STXBP3: variants seen among roughly 807,000 people sequenced by gnomAD.
STXBP3 encodes the protein syntaxin binding protein 3, also known as syntaxin-binding protein 3.
Under a neutral mutation model 85.7 loss-of-function variants are expected in STXBP3, and 41 were observed. The ratio of observed to expected loss-of-function variants is 0.48; its 90% CI spans 0.37 to 0.62. The LOEUF (loss-of-function observed/expected upper bound fraction) is 0.62, where lower values mean the gene tolerates loss of function less well. Among genes scored for constraint, STXBP3 ranks in the 20% least tolerant of loss-of-function variants. The pLI, the probability that STXBP3 is intolerant of heterozygous loss-of-function variation, is 0.00. For missense variants in STXBP3, 563 were observed against 703.1 expected (o/e 0.80, Z 2.25); for synonymous variants, 229 against 231.7 (o/e 0.99, Z 0.10).
rs903902124 is a variant in STXBP3 at position 108,802,492 on chromosome 1, G to A, written c.1535+2187G>A. Among the ~76,000 whole-genome samples, 15 of 152,186 alleles carry A rather than the reference G, an allele frequency of 9.9e-5. No homozygotes were observed. The South Asian group carries it at 2.7e-3, about 27-fold the overall frequency. On this transcript the variant is annotated intron_variant, in intron 17 of 18. Transcript: ENST00000370008. ...AGCAAAGCTGCAGGATTTTGTACTCGCCTCACTGCCCCACCTTGAATCAAG... is the reference window on the plus strand; with the variant it reads ...AGCAAAGCTGCAGGATTTTGTACTCACCTCACTGCCCCACCTTGAATCAAG...
intron 11 of STXBP3, among the ~76,000 whole-genome samples, chr1:108,786,380 C>T (rs535708703): frequency 8.5e-5 from 13 of 152,292 alleles, no homozygotes; most frequent in East Asian, 1.9e-4. Context: ...CTGCCCTTGA[C>T]GCGTGGGGAT....
chr1:108,749,145 G>GAA lies in STXBP3; in HGVS notation c.49+2359_49+2360insAA, dbSNP rs1661854074. On this transcript the variant is annotated intron_variant, in intron 1 of 18. Transcript: ENST00000370008. ...AGAGAGAAGAATCAAGTCGATGCTG[G>GAA]GTGACAGTAGCAATGAAAAATAATA... Among the ~76,000 whole-genome samples the GAA allele has an allele frequency of 2.6e-5, 4 of 152,138 alleles. No homozygotes were observed. In the East Asian group the frequency reaches 7.7e-4, roughly 29 times the overall value.
chr1:108,759,461 G>A (rs1277040), intron 5 of STXBP3, among the ~76,000 whole-genome samples: 110,474 of 152,060 alleles, frequency 0.73, 41,162 homozygotes, highest in African/African-American at 0.78. Flanking sequence ...CCTAGATCTA[G>A]TGGAATGATA....
intron 3 of STXBP3, among the ~76,000 whole-genome samples, chr1:108,754,111 C>T (rs746399223): frequency 8.8e-5 from 13 of 148,048 alleles, no homozygotes; most frequent in Admixed American, 1.4e-4. Flanking sequence ...TGGCTCACTG[C>T]AGCCTCCTCC....
At position 108,751,766 on chromosome 1, in the gene STXBP3, T is replaced by C. The variant is rs138119362; in HGVS notation, c.50-491T>C. ...AAAGTCATTGTAAGGAACATATTTATTGATTATAAATCAAGACTGAATATT... is the reference window on the plus strand; with the variant it reads ...AAAGTCATTGTAAGGAACATATTTACTGATTATAAATCAAGACTGAATATT... On this transcript the variant is annotated intron_variant, in intron 1 of 18. Coordinates refer to ENST00000370008, the MANE Select transcript of STXBP3 (RefSeq NM_007269.4). 6.7e-5 allele frequency among the ~76,000 whole-genome samples: 7 copies of C among 104,678 alleles called. No individual in the cohort carries two copies. The East Asian group carries it at 1.4e-3, about 21-fold the overall frequency. The allele number at this position is 104,678 out of a possible 152,430, so 68.7% of individuals were successfully genotyped here.
chr1:108,752,872 T>C (rs1570745842), intron 2 of STXBP3, among the ~76,000 whole-genome samples, 191 bp from the exon 3 acceptor site: 1 of 152,204 alleles, frequency 6.6e-6, no homozygotes, highest in African/African-American at 2.4e-5. Context: ...TTTGTTTACT[T>C]ATGTACGATA....
chr1:108,784,075 A>G (rs1350343781), intron 11 of STXBP3, among the ~76,000 whole-genome samples: 2 of 152,164 alleles, frequency 1.3e-5, no homozygotes, highest in Non-Finnish European at 2.9e-5. Context: ...GATGAACAGA[A>G]GATCTCAATT....
intron 10 of STXBP3, 26 bp downstream of exon 10, chr1:108,782,543 T>C: frequency 6.2e-7 from 1 of 1,609,346 alleles, no homozygotes; most frequent in Non-Finnish European, 8.5e-7. Context: ...TTAATTTTTG[T>C]TCCATAATTT....
At chr1:108,801,219 A>G (rs1277236) in intron 17 of STXBP3, among the ~76,000 whole-genome samples, 41,568 of 151,860 alleles carry the variant, frequency 0.27, 6,716 homozygotes, top group East Asian at 0.77. Flanking sequence ...GATCATATTT[A>G]TAATTGCTTG....
At chr1:108,794,520 T>C (rs936187216) in intron 12 of STXBP3, among the ~76,000 whole-genome samples, 3 of 152,172 alleles carry the variant, frequency 2.0e-5, no homozygotes, top group Non-Finnish European at 2.9e-5. Flanking sequence ...CTTACTATTA[T>C]GAGAACAGCA....
At chr1:108,789,608 T>G (rs144172568) in intron 11 of STXBP3, among the ~76,000 whole-genome samples, 1 of 152,218 alleles carries the variant, frequency 6.6e-6, no homozygotes, top group Non-Finnish European at 1.5e-5. Context: ...TAACCCTTAT[T>G]ATGATTTCTT....
chr1:108,799,485 C>A (rs1363133950), intron 16 of STXBP3, among the ~76,000 whole-genome samples: 1 of 152,084 alleles, frequency 6.6e-6, no homozygotes, highest in Non-Finnish European at 1.5e-5. Context: ...CAGTCTTAGG[C>A]CTTTAGAATT....
At chr1:108,807,836 C>A (rs1663375543) in intron 18 of STXBP3, among the ~76,000 whole-genome samples, 1 of 152,118 alleles carries the variant, frequency 6.6e-6, no homozygotes, top group Non-Finnish European at 1.5e-5. Context: ...CTCGGCCTCC[C>A]AAAGTGCTGG....
chr1:108,774,230 C>T (rs746005551), intron 7 of STXBP3, among the ~76,000 whole-genome samples: 3 of 152,088 alleles, frequency 2.0e-5, no homozygotes, highest in Non-Finnish European at 4.4e-5. Context: ...GTGACCCTCT[C>T]GCCTCAGTTT....
chr1:108,761,355 A>G (rs983596857), intron 6 of STXBP3, among the ~76,000 whole-genome samples: 1 of 152,182 alleles, frequency 6.6e-6, no homozygotes, highest in African/African-American at 2.4e-5. Context: ...AGCTTCTGAA[A>G]ATGATGTAGG....
rs1027169111 is a variant in STXBP3 at position 108,758,490 on chromosome 1, A to C, written c.259-20A>C. On this transcript the variant is annotated intron_variant, in intron 4 of 18. Transcript: ENST00000370008. ...ATTAATATTTAATAAAATGTGTATT[A>C]ACATCTAACCTTTTTTAAGTCTGTA... is the stretch of plus-strand genomic sequence containing the variant. 1 of 1,318,652 alleles carries C rather than the reference A, an allele frequency of 7.6e-7. No individual in the cohort carries two copies. The highest frequency in any genetic ancestry group is 1.6e-5 in the South Asian group (1 of 64,020). 81.7% of individuals were successfully genotyped at this position (1,318,652 alleles called of 1,614,324 possible).
At chr1:108,762,623 C>T (rs1354078370) in intron 6 of STXBP3, among the ~76,000 whole-genome samples, 1 of 152,056 alleles carries the variant, frequency 6.6e-6, no homozygotes, top group Non-Finnish European at 1.5e-5. Flanking sequence ...AGGAAGGGTG[C>T]CAATGGAATG....
At chr1:108,761,215 G>C (rs1177176179) in intron 6 of STXBP3, among the ~76,000 whole-genome samples, 2 of 151,940 alleles carry the variant, frequency 1.3e-5, no homozygotes, top group African/African-American at 4.8e-5. Context: ...TGATACTGCT[G>C]TTTTTGACAA....
chr1:108,806,413 C>T (rs1663332389), intron 17 of STXBP3, among the ~76,000 whole-genome samples: 1 of 152,050 alleles, frequency 6.6e-6, no homozygotes, highest in African/African-American at 2.4e-5. Flanking sequence ...GGATCTAGAG[C>T]AATCTGGAGG....
Sources: gnomAD v4.1 joint callset for allele counts (sites outside exome capture counted in the v4.1 genomes callset) on GRCh38, gnomAD v4.1.1 for gene constraint, MANE v1.5 for transcripts, NCBI Gene and HGNC (gene_info 2026-07-23, HGNC 2026-07-21) for gene names.